TBX2: variants seen among roughly 807,000 people sequenced by gnomAD.
TBX2 encodes T-box transcription factor 2.
TBX2 carries 19 observed loss-of-function variants against 48.4 expected under a neutral mutation model. The observed-to-expected ratio is 0.39, with a 90% CI of 0.27 to 0.58. TBX2 has a LOEUF of 0.58. Ranked by LOEUF, TBX2 falls within the 20% of genes least tolerant of loss-of-function variation. The pLI, the probability that TBX2 is intolerant of heterozygous loss-of-function variation, is 0.54. For missense variants in TBX2, 994 were observed against 1,006.5 expected, an observed-to-expected ratio of 0.99 and a Z score of 0.17; for synonymous variants, 522 against 459.7, an observed-to-expected ratio of 1.14 and a Z score of -1.73.
At position 61,408,472 on chromosome 17, in the gene TBX2, G is replaced by A. The variant is rs899163658; in HGVS notation, c.2105G>A (p.Arg702Gln). ...CTGGTGAGTGGGCTGGAGAGCCAGC[G>A]AGCCCTCTCCCCAGGCCGGGAGTCG... ...QRLVSGLESQRALSPGRESPK is the reference protein window; with the variant it reads ...QRLVSGLESQQALSPGRESPK The change falls in exon 7 of 7, where the codon CGA (arginine) becomes CAA (glutamine). Residue 702 changes from arginine to glutamine, a missense_variant. Physicochemically the swap from Arg to Gln is conservative, Grantham distance 43. Coordinates refer to ENST00000240328, the MANE Select transcript of TBX2 (RefSeq NM_005994.4). 53 of 1,455,832 alleles carry A rather than the reference G, an allele frequency of 3.6e-5. No homozygotes were observed. Among genetic ancestry groups the A allele is most frequent in the African/African-American group, 1.0e-4 (7 of 70,020 alleles). The allele number at this position is 1,455,832 out of a possible 1,614,324, so 90.2% of individuals were successfully genotyped here. A position where few individuals can be genotyped will look rare whatever the true frequency, so the allele number is the denominator to read the frequency against.
rs2060297690 is a variant in TBX2 at position 61,408,438 on chromosome 17, A to C, written c.2071A>C (p.Ile691Leu). 6.6e-7 allele frequency: 1 copy of C among 1,510,654 alleles called. No individual in the cohort carries two copies. Among genetic ancestry groups the C allele is most frequent in the African/African-American group, 1.4e-5 (1 of 71,768 alleles). The allele number at this position is 1,510,654 out of a possible 1,614,324, so 93.6% of individuals were successfully genotyped here. ...AKEAANELQS[I>L]QRLVSGLESQ... ...GGAGGCGGCCAATGAACTGCAGAGC[A>C]TCCAGAGACTGGTGAGTGGGCTGGA... The change falls in exon 7 of 7, where the codon ATC (isoleucine) becomes CTC (leucine). Residue 691 changes from isoleucine to leucine, a missense_variant. This residue lies in a region of TBX2 where 639 missense variants were observed against 613.2 expected (regional missense o/e 1.04). Transcript: ENST00000240328.
Position 61,404,700 on chromosome 17 carries a change from C to T in TBX2, c.982C>T (p.Pro328Ser), listed in dbSNP as rs747359210. Residue 328 changes from proline (P) to serine (S), a missense_variant, in exon 5 of 7, where the codon CCC (proline) becomes TCC (serine). Physicochemically the swap from Pro to Ser is moderately conservative, Grantham distance 74. Coordinates refer to ENST00000240328, the MANE Select transcript of TBX2 (RefSeq NM_005994.4). Reference protein sequence around the residue: ...AESDASSCDPPPAREPPTSPG... With the variant: ...AESDASSCDPSPAREPPTSPG... Reference sequence around the variant, plus strand: ...GTCAGACGCCTCGTCGTGCGACCCTCCCCCCGCGCGGGAACCACCCACCTC... The same window carrying T: ...GTCAGACGCCTCGTCGTGCGACCCTTCCCCCGCGCGGGAACCACCCACCTC... The T allele has an allele frequency of 1.9e-6, 3 of 1,568,636 alleles. No homozygotes were observed. In the South Asian group the frequency reaches 3.5e-5, roughly 18 times the overall value.
In TBX2 at chr17:61,405,349, G is replaced by A. The variant is rs1173468711; in HGVS notation, c.1199G>A (p.Arg400His). The A allele has an allele frequency of 1.3e-6, 2 of 1,546,118 alleles. No homozygotes were observed. Among genetic ancestry groups the A allele is most frequent in the East Asian group, 2.4e-5 (1 of 41,922 alleles). ...GAACCCGAGCGCGCCCGGGAGCGGC[G>A]TAGTCCCGAGAGGGGCAAGGAGCCG... ...LTEPERARER[R>H]SPERGKEPAE... The change falls in exon 6 of 7, where the codon CGT becomes CAT. Residue 400 changes from arginine to histidine, a missense_variant. By Grantham distance (29) the Arg-to-His change is conservative. This residue lies in a region of TBX2 where 639 missense variants were observed against 613.2 expected (regional missense o/e 1.04). Coordinates refer to ENST00000240328, the MANE Select transcript of TBX2 (RefSeq NM_005994.4).
intron 2 of TBX2, among the ~76,000 whole-genome samples, chr17:61,402,590 C>T (rs1020489404): frequency 6.6e-6 from 1 of 151,976 alleles, no homozygotes; most frequent in South Asian, 2.1e-4. Context: ...AGTTGGTGAG[C>T]CCCCGAAGGT....
In TBX2 at chr17:61,403,290, C is replaced by T. The variant is rs2060272829; in HGVS notation, c.810+83C>T. ...GCCCAACCGTCCGTTCATCGCCCCT[C>T]GAAGCCCCCTGCACGGGATCCGCGC... On this transcript the variant is annotated intron_variant, in intron 3 of 6. Coordinates refer to ENST00000240328, the MANE Select transcript of TBX2 (RefSeq NM_005994.4). This position sits in a 1 kb window ranked among gnomAD's most constrained non-coding sequence, Gnocchi z 5.8. The T allele has an allele frequency of 2.6e-6, 4 of 1,565,084 alleles. No homozygotes were observed. The highest frequency in any genetic ancestry group is 1.9e-5 in the Admixed American group (1 of 52,402).
At chr17:61,407,758 CG>C in intron 6 of TBX2, 1 of 364,186 alleles carries the variant, frequency 2.7e-6, no homozygotes, top group Non-Finnish European at 4.9e-6. Flanking sequence ...GGCCTTCACC[CG>C]TGCTAGGGCA....
At chr17:61,401,539 T>A (rs2060263692) in intron 1 of TBX2, 145 bp from the exon 2 acceptor site, 2 of 1,172,130 alleles carry the variant, frequency 1.7e-6, no homozygotes, top group Admixed American at 5.5e-5. Flanking sequence ...CGGGCAGTGA[T>A]GAGAGGGCAG....
intron 1 of TBX2, 86 bp from the exon 2 acceptor site, chr17:61,401,598 G>C: frequency 6.6e-7 from 1 of 1,504,514 alleles, no homozygotes; most frequent in Non-Finnish European, 8.9e-7. Context: ...TGTGCGCAAC[G>C]AGGAGGGATA....
At position 61,405,259 on chromosome 17, in the gene TBX2, A is replaced by G; in HGVS notation, c.1109A>G (p.Glu370Gly). The G allele has an allele frequency of 6.4e-7, 1 of 1,573,094 alleles. No individual in the cohort carries two copies. The highest frequency in any genetic ancestry group is 8.6e-7 in the Non-Finnish European group (1 of 1,167,566). ...CCGGAGCCTGAGCGGTTGAGCGAGG[A>G]GCGTGCGGGGGCGCCGCTAGGCCGC... ...SDPEPERLSE[E>G]RAGAPLGRSP... Residue 370 changes from glutamate to glycine, a missense_variant, in exon 6 of 7, where the codon GAG becomes GGG. By Grantham distance (98) the Glu-to-Gly change is moderately conservative. Around this residue, in one of 5 missense-constraint regions of TBX2, gnomAD observed 639 missense variants for 613.2 expected, o/e 1.04. Coordinates refer to ENST00000240328, the MANE Select transcript of TBX2 (RefSeq NM_005994.4).
chr17:61,402,040 A>AG, intron 2 of TBX2, 89 bp downstream of exon 2: 2 of 1,500,762 alleles, frequency 1.3e-6, no homozygotes, highest in Non-Finnish European at 1.8e-6. Flanking sequence ...AGGATCTCCC[A>AG]GGGGGAAGCG....
chr17:61,400,609 C>A lies in TBX2; in HGVS notation c.395+38C>A, dbSNP rs549173420. 147 of 536,172 alleles carry A rather than the reference C, an allele frequency of 2.7e-4. No homozygotes were observed. Among genetic ancestry groups the A allele is most frequent in the African/African-American group, 2.7e-3 (133 of 50,164 alleles). The allele number at this position is 536,172 out of a possible 1,614,324, so 33.2% of individuals were successfully genotyped here. ...GCCGGCTGGAAGGCGCGCGGGCGGG[C>A]GGGCGGGCTGGGGCACGGGACTGCA... On this transcript the variant is annotated intron_variant, in intron 1 of 6. Coordinates refer to ENST00000240328, the MANE Select transcript of TBX2 (RefSeq NM_005994.4). This position sits in a 1 kb window ranked among gnomAD's most constrained non-coding sequence, Gnocchi z 9.2.
chr17:61,408,741 T>C lies in TBX2; in HGVS notation c.*235T>C. 2.4e-6 allele frequency: 1 copy of C among 419,198 alleles called. No individual in the cohort carries two copies. Among genetic ancestry groups the C allele is most frequent in the South Asian group, 1.0e-4 (1 of 9,898 alleles). 26.0% of individuals were successfully genotyped at this position (419,198 alleles called of 1,614,324 possible). On this transcript the variant is annotated 3_prime_UTR_variant, in exon 7 of 7. Transcript: ENST00000240328. ...TGGGAGCTGCTGGGCTAGGTCCAGA[T>C]CCGCTCCAGCGTCAAGGTGGCATCC... is the stretch of plus-strand genomic sequence containing the variant.
rs35789942 is a variant in TBX2, at chr17:61,408,407, G to A, written c.2040G>A (p.Ser680=). ...GCGGTGCCCTGTCGCCCAGTGGCTC[G>A]GCCAAGGAGGCGGCCAATGAACTGC... is the stretch of plus-strand genomic sequence containing the variant. ...PSRGALSPSG[S]AKEAANELQS... Residue 680 remains serine (S), a synonymous_variant, in exon 7 of 7, where the codon TCG becomes TCA. Coordinates refer to ENST00000240328, the MANE Select transcript of TBX2 (RefSeq NM_005994.4). The A allele has an allele frequency of 6.1e-5, 94 of 1,546,464 alleles. 1 individual carries two copies. In the African/African-American group the frequency reaches 1.1e-3, roughly 18 times the overall value.
In TBX2 at chr17:61,403,738, C is replaced by T. The variant is rs1376057017; in HGVS notation, c.810+531C>T. ...CCCTTGGGAGGCGCTTAGAGAATTA[C>T]CTTCCAATCAAAGGGCTTTTTCTGC... On this transcript the variant is annotated intron_variant, in intron 3 of 6. Transcript: ENST00000240328. This position sits in a 1 kb window ranked among gnomAD's most constrained non-coding sequence, Gnocchi z 5.8. 6.6e-6 allele frequency among the ~76,000 whole-genome samples: 1 copy of T among 152,044 alleles called. No homozygotes were observed.
intron 2 of TBX2, 65 bp downstream of exon 2, chr17:61,402,016 G>T: frequency 6.6e-7 from 1 of 1,525,830 alleles, no homozygotes; most frequent in Non-Finnish European, 8.8e-7. Context: ...AGCTGAGCAG[G>T]AGAGCAGGGC....
chr17:61,405,465 G>A lies in TBX2; in HGVS notation c.1315G>A (p.Ala439Thr), dbSNP rs1260389628. ...ARRKDEGRKE[A>T]AEGKEQGLAP... Reference sequence around the variant, plus strand: ...GAGGAAGGACGAGGGGCGCAAGGAGGCGGCCGAGGGCAAGGAGCAGGGCCT... The same window carrying A: ...GAGGAAGGACGAGGGGCGCAAGGAGACGGCCGAGGGCAAGGAGCAGGGCCT... Residue 439 changes from alanine to threonine, a missense_variant, in exon 6 of 7, where the codon GCG becomes ACG. By Grantham distance (58) the Ala-to-Thr change is moderately conservative. Transcript: ENST00000240328. 2 of 1,576,628 alleles carry A rather than the reference G, an allele frequency of 1.3e-6. No individual in the cohort carries two copies. Among genetic ancestry groups the A allele is most frequent in the Non-Finnish European group, 1.7e-6 (2 of 1,164,980 alleles).
At chr17:61,404,263 C>A (rs952127338) in intron 3 of TBX2, among the ~76,000 whole-genome samples, 158 bp from the exon 4 acceptor site, 3 of 152,266 alleles carry the variant, frequency 2.0e-5, no homozygotes, top group South Asian at 2.1e-4. Context: ...GCCCTCCCAC[C>A]GGCCTCAGCT....
chr17:61,404,779 G>T lies in TBX2; in HGVS notation c.1051+10G>T. 6.5e-7 allele frequency: 1 copy of T among 1,541,508 alleles called. No individual in the cohort carries two copies. The highest frequency in any genetic ancestry group is 8.7e-7 in the Non-Finnish European group (1 of 1,147,778). On this transcript the variant is annotated intron_variant, in intron 5 of 6. Transcript: ENST00000240328. ...CTGCACCGGGCCCGAGGTGAGGGTC[G>T]GACCGGAGGAGGGACAGGGAGGTGG... is the stretch of plus-strand genomic sequence containing the variant.
chr17:61,404,689 C>T lies in TBX2; in HGVS notation c.971C>T (p.Ser324Leu), dbSNP rs371433791. Residue 324 changes from serine (S) to leucine (L), a missense_variant, in exon 5 of 7, where the codon TCG becomes TTG. Ser to Leu is a moderately radical substitution (Grantham distance 145, BLOSUM62 -2). Coordinates refer to ENST00000240328, the MANE Select transcript of TBX2 (RefSeq NM_005994.4). ...GATGGCGCGGAGTCAGACGCCTCGTCGTGCGACCCTCCCCCCGCGCGGGAA... is the reference window on the plus strand; with the variant it reads ...GATGGCGCGGAGTCAGACGCCTCGTTGTGCGACCCTCCCCCCGCGCGGGAA... ...ERDGAESDAS[S>L]CDPPPAREPP... 6.3e-7 allele frequency: 1 copy of T among 1,578,950 alleles called. No individual in the cohort carries two copies. Among genetic ancestry groups the T allele is most frequent in the African/African-American group, 1.4e-5 (1 of 73,736 alleles).
Sources: gnomAD v4.1 joint callset for allele counts (sites outside exome capture counted in the v4.1 genomes callset) on GRCh38, gnomAD v4.1.1 for gene constraint, gnomAD v4.1.1 regional missense constraint, Gnocchi (gnomAD v3.1) non-coding constraint, MANE v1.5 for transcripts, NCBI Gene and HGNC (gene_info 2026-07-23, HGNC 2026-07-21) for gene names.